SMC1A: variants seen among roughly 807,000 people sequenced by gnomAD.
SMC1A encodes the protein structural maintenance of chromosomes protein 1A.
A neutral mutation model predicts 94.5 loss-of-function variants in SMC1A; 4 were observed. That is an observed-to-expected ratio of 0.04 (90% CI 0.02 to 0.10). The LOEUF (loss-of-function observed/expected upper bound fraction) is 0.10, where lower values mean the gene tolerates loss of function less well. Ranked by LOEUF, SMC1A falls within the 10% of genes least tolerant of loss-of-function variation. SMC1A has a pLI of 1.00. For synonymous variants in SMC1A, 345 were observed against 347.7 expected (o/e 0.99, Z 0.09); for missense variants, 304 against 989.0 (o/e 0.31, Z 9.29).
chrX:53,422,360 C>T (rs1300915331), intron 1 of SMC1A, 132 bp downstream of exon 1: 3 of 515,777 alleles, frequency 5.8e-6, no homozygotes, highest in Non-Finnish European at 1.0e-5. Context: ...GAGCAGAACC[C>T]CCTCTGGACG....
At chrX:53,410,002 C>T (rs1015029794) in intron 7 of SMC1A, among the ~76,000 whole-genome samples, 2 of 112,191 alleles carry the variant, frequency 1.8e-5, no homozygotes, top group African/African-American at 3.2e-5. Flanking sequence ...TGATCCACCA[C>T]GCCTGGCCAA....
At chrX:53,398,684 TA>T (rs1172977374) in intron 16 of SMC1A, among the ~76,000 whole-genome samples, 34 of 111,515 alleles carry the variant, frequency 3.0e-4, no homozygotes, top group Non-Finnish European at 5.5e-4. Context: ...ATTTTTCCTT[TA>T]AAAAGGGTCT....
chrX:53,390,560 G>A (rs1489582697), intron 19 of SMC1A, among the ~76,000 whole-genome samples: 1 of 110,417 alleles, frequency 9.1e-6, no homozygotes, highest in Non-Finnish European at 1.9e-5. Context: ...GTTAAAACTG[G>A]TGATGGCTAT....
Position 53,377,219 on chromosome X carries a change from C to T in SMC1A, c.*2884G>A, listed in dbSNP as rs1295679980. 2.7e-5 allele frequency: 3 copies of T among 112,171 alleles called. No homozygotes were observed. Among genetic ancestry groups the T allele is most frequent in the Non-Finnish European group, 3.8e-5 (2 of 53,237 alleles). 9.2% of individuals were successfully genotyped at this position (112,171 alleles called of 1,213,427 possible). On this transcript the variant is annotated 3_prime_UTR_variant, in exon 25 of 25. Transcript: ENST00000322213. ...ACCAGTGGAATCTTGGACAAGTCAC[C>T]TCACCTCCTGGATCCTCAGGACTTA...
At position 53,380,647 on chromosome X, in the gene SMC1A, G is replaced by C. The variant is rs146216425; in HGVS notation, c.3591C>G (p.Ala1197=). ...ISLKEEFYTK[A]ESLIGVYPEQ... is the part of the protein sequence containing the mutation. ...CAGGATAGACTCCAATGAGGCTCTC[G>C]GCCTTGGTGTAGAACTCCTCCTTGA... Residue 1197 remains alanine, a synonymous_variant, in exon 24 of 25, where the codon GCC becomes GCG. Transcript: ENST00000322213. 1 of 1,205,268 alleles carries C rather than the reference G, an allele frequency of 8.3e-7. No homozygotes were observed. Among genetic ancestry groups the C allele is most frequent in the Non-Finnish European group, 1.1e-6 (1 of 889,643 alleles).
At chrX:53,380,228 G>A (rs782499146) in intron 24 of SMC1A, 42 bp from the exon 25 acceptor site, 131 of 998,725 alleles carry the variant, frequency 1.3e-4, no homozygotes, top group Non-Finnish European at 1.8e-4. Flanking sequence ...ATTGTAAGGA[G>A]AGAATTAAGA....
At chrX:53,409,707 G>A (rs1324649830) in intron 7 of SMC1A, among the ~76,000 whole-genome samples, 2 of 110,767 alleles carry the variant, frequency 1.8e-5, no homozygotes, top group Non-Finnish European at 3.8e-5. Flanking sequence ...GCCTCCCAGA[G>A]CTCCAGAACC....
chrX:53,403,714 G>T, intron 14 of SMC1A, 42 bp from the exon 15 acceptor site: 1 of 1,182,140 alleles, frequency 8.5e-7, no homozygotes, highest in Admixed American at 2.2e-5. Context: ...CTTTTAGTCT[G>T]TCCTGCTTCC....
At chrX:53,387,026 T>C (rs1462072818) in intron 19 of SMC1A, among the ~76,000 whole-genome samples, 2 of 112,294 alleles carry the variant, frequency 1.8e-5, no homozygotes, top group Non-Finnish European at 3.8e-5. Flanking sequence ...GACGGAGTCT[T>C]GTTCTGTCGC....
At chrX:53,392,624 T>C (rs2075634188) in intron 19 of SMC1A, among the ~76,000 whole-genome samples, 1 of 110,898 alleles carries the variant, frequency 9.0e-6, no homozygotes, top group Non-Finnish European at 1.9e-5. Flanking sequence ...ATTTTTGTAT[T>C]TTTAGTAGAG....
intron 19 of SMC1A, among the ~76,000 whole-genome samples, chrX:53,393,293 G>A (rs782115118): frequency 8.2e-5 from 9 of 110,176 alleles, no homozygotes; most frequent in African/African-American, 2.6e-4. Flanking sequence ...TAGTACCAAC[G>A]ACCCAGTTCC....
At chrX:53,401,472 T>C (rs1242073760) in intron 15 of SMC1A, among the ~76,000 whole-genome samples, 1 of 112,268 alleles carries the variant, frequency 8.9e-6, no homozygotes, top group African/African-American at 3.2e-5. Flanking sequence ...TTCTTTTTTC[T>C]GGTCAATACC....
rs1419805207 is a variant in SMC1A, at chrX:53,379,410, A to G, written c.*693T>C. 8.9e-6 allele frequency: 1 copy of G among 112,255 alleles called. No individual in the cohort carries two copies. The highest frequency in any genetic ancestry group is 3.3e-5 in the African/African-American group (1 of 30,765). The allele number at this position is 112,255 out of a possible 1,213,427, so 9.3% of individuals were successfully genotyped here. A position where few individuals can be genotyped will look rare whatever the true frequency, so the allele number is the denominator to read the frequency against. On this transcript the variant is annotated 3_prime_UTR_variant, in exon 25 of 25. Coordinates refer to ENST00000322213, the MANE Select transcript of SMC1A (RefSeq NM_006306.4). ...CCCACTTCTCAAATTCAAAGTACAT[A>G]TGACATTCAGCTAACTATAGTCATT...
In SMC1A at chrX:53,376,875, G is replaced by A. The variant is rs2146578458; in HGVS notation, c.*3228C>T. 8.9e-6 allele frequency: 1 copy of A among 112,250 alleles called. No homozygotes were observed. Among genetic ancestry groups the A allele is most frequent in the South Asian group, 3.7e-4 (1 of 2,707 alleles). 9.3% of individuals were successfully genotyped at this position (112,250 alleles called of 1,213,427 possible). Reference sequence around the variant, plus strand: ...GGATAAAGATTTGACTCATCTTTGTGTTCCTGGTGCACAACACTGTGATTT... The same window carrying A: ...GGATAAAGATTTGACTCATCTTTGTATTCCTGGTGCACAACACTGTGATTT... On this transcript the variant is annotated 3_prime_UTR_variant, in exon 25 of 25. Coordinates refer to ENST00000322213, the MANE Select transcript of SMC1A (RefSeq NM_006306.4).
rs1452812842 is a variant in SMC1A at position 53,374,246 on chromosome X, T to G, written c.*5857A>C. ...TGGAAGAACAGAAACTTGAAAATGG[T>G]TCATGATCCAAAGCAGCTCTAGAGC... On this transcript the variant is annotated 3_prime_UTR_variant, in exon 25 of 25. Transcript: ENST00000322213. 1 of 111,645 alleles carries G rather than the reference T, an allele frequency of 9.0e-6. No homozygotes were observed. Among genetic ancestry groups the G allele is most frequent in the Non-Finnish European group, 1.9e-5 (1 of 53,022 alleles). The allele number at this position is 111,645 out of a possible 1,213,427, so 9.2% of individuals were successfully genotyped here.
At chrX:53,383,551 C>T (rs2075593351) in intron 19 of SMC1A, among the ~76,000 whole-genome samples, 1 of 112,549 alleles carries the variant, frequency 8.9e-6, no homozygotes, top group Admixed American at 9.4e-5. Flanking sequence ...GTGCCCCTCT[C>T]TGGCTCTCAG....
chrX:53,415,261 CT>C (rs374371303), intron 1 of SMC1A, 92 bp from the exon 2 acceptor site: 2 of 735,097 alleles, frequency 2.7e-6, no homozygotes, highest in African/African-American at 2.1e-5. Context: ...AAAATGTCCC[CT>C]AATCACTCAG....
intron 15 of SMC1A, among the ~76,000 whole-genome samples, chrX:53,402,157 T>A (rs1438622753): frequency 2.7e-5 from 3 of 111,336 alleles, no homozygotes; most frequent in African/African-American, 9.8e-5. Context: ...CTATATCCCT[T>A]GAGACTGGCT....
At chrX:53,407,810 G>A (rs2075696754) in intron 9 of SMC1A, among the ~76,000 whole-genome samples, 2 of 111,363 alleles carry the variant, frequency 1.8e-5, no homozygotes, top group Non-Finnish European at 3.8e-5. Flanking sequence ...CTGGTTGTGA[G>A]AGTAGAAAAA....
Sources: gnomAD v4.1 joint callset for allele counts (sites outside exome capture counted in the v4.1 genomes callset) on GRCh38, gnomAD v4.1.1 for gene constraint, MANE v1.5 for transcripts, NCBI Gene and HGNC (gene_info 2026-07-23, HGNC 2026-07-21) for gene names.